RABGAP1L: variants seen among roughly 807,000 people sequenced by gnomAD.
The protein encoded by RABGAP1L is RAB GTPase activating protein 1 like.
In RABGAP1L, 63 loss-of-function variants were observed where a neutral mutation model predicts 137.7. The observed-to-expected ratio is 0.46, with a 90% CI of 0.37 to 0.56. The LOEUF (loss-of-function observed/expected upper bound fraction) is 0.56. Among genes scored for constraint, RABGAP1L ranks in the 20% least tolerant of loss-of-function variants. The probability of loss-of-function intolerance (pLI) is 0.00; values close to 1 mark genes in which losing one functional copy is unlikely to be tolerated. For synonymous variants in RABGAP1L, 431 were observed against 433.7 expected (o/e 0.99, Z 0.08); for missense variants, 1,095 against 1,244.0 (o/e 0.88, Z 1.80).
At chr1:174,369,892 T>G (rs1008668949) in intron 11 of RABGAP1L, among the ~76,000 whole-genome samples, 1 of 152,216 alleles carries the variant, frequency 6.6e-6, no homozygotes, top group Non-Finnish European at 1.5e-5. Context: ...AACATTTGTC[T>G]CTGTATGTGG....
In RABGAP1L at chr1:174,911,548, G is replaced by A. The variant is rs141956600; in HGVS notation, c.2341-45909G>A. On this transcript the variant is annotated intron_variant, in intron 19 of 25. Coordinates refer to ENST00000681986, the MANE Select transcript of RABGAP1L (RefSeq NM_001366446.1). ...AGGAGACTGGAGATAAATTTTGTGA[G>A]CCTATTATCTAGTTAGTAATGACAC... 4.9e-4 allele frequency among the ~76,000 whole-genome samples: 74 copies of A among 152,224 alleles called. No homozygotes were observed. The East Asian group carries it at 0.013, about 26-fold the overall frequency.
chr1:174,602,684 A>G (rs145988285), intron 13 of RABGAP1L, among the ~76,000 whole-genome samples: 236 of 152,244 alleles, frequency 1.6e-3, no homozygotes, highest in Non-Finnish European at 2.9e-3. Context: ...CATGTCTTCA[A>G]GCTCTCTAAT....
chr1:174,817,371 T>G (rs968693452), intron 19 of RABGAP1L, among the ~76,000 whole-genome samples: 1 of 152,098 alleles, frequency 6.6e-6, no homozygotes. Context: ...AAATGAAATC[T>G]GAAAGATTAT....
At chr1:174,799,350 C>G (rs928641744) in intron 18 of RABGAP1L, among the ~76,000 whole-genome samples, 2 of 152,210 alleles carry the variant, frequency 1.3e-5, no homozygotes, top group African/African-American at 4.8e-5. Flanking sequence ...TGTCCATACT[C>G]TATCATTTTA....
At chr1:174,365,294 G>A (rs532478066) in intron 11 of RABGAP1L, 2 of 152,294 alleles carry the variant, frequency 1.3e-5, no homozygotes, top group East Asian at 1.9e-4. Flanking sequence ...TTGCTGCCGT[G>A]TTTTAAAGAA....
At chr1:174,890,119 C>A (rs1485566435) in intron 19 of RABGAP1L, among the ~76,000 whole-genome samples, 1 of 152,166 alleles carries the variant, frequency 6.6e-6, no homozygotes, top group Non-Finnish European at 1.5e-5. Context: ...TTTAGTGGTT[C>A]ATTTAACATG....
Position 174,784,011 on chromosome 1 carries a change from C to CTTTTTTTTTT in RABGAP1L, c.2212-27803_2212-27794dup, listed in dbSNP as rs3085670. 1.9e-4 allele frequency among the ~76,000 whole-genome samples: 10 copies of CTTTTTTTTTT among 52,140 alleles called. 1 individual carries two copies. Among genetic ancestry groups the CTTTTTTTTTT allele is most frequent in the African/African-American group, 3.7e-4 (5 of 13,544 alleles). The allele number at this position is 52,140 out of a possible 152,430, so 34.2% of individuals were successfully genotyped here. A position where few individuals can be genotyped will look rare whatever the true frequency, so the allele number is the denominator to read the frequency against. On this transcript the variant is annotated intron_variant, in intron 18 of 25. Coordinates refer to ENST00000681986, the MANE Select transcript of RABGAP1L (RefSeq NM_001366446.1). ...GCCGTGAGTTTTTCTTCTTCTTCTT[C>CTTTTTTTTTT]TTTTTTTTTTTTTTTTTTTTTTTTT...
At chr1:174,427,205 AG>A (rs1652069293) in intron 13 of RABGAP1L, among the ~76,000 whole-genome samples, 1 of 148,448 alleles carries the variant, frequency 6.7e-6, no homozygotes, top group African/African-American at 2.5e-5. Context: ...TTATTTCTGA[AG>A]TCTGTAGTTT....
intron 13 of RABGAP1L, among the ~76,000 whole-genome samples, chr1:174,559,947 A>G (rs1303062983): frequency 6.6e-6 from 1 of 152,162 alleles, no homozygotes; most frequent in Non-Finnish European, 1.5e-5. Context: ...CAGCCTGGCC[A>G]ACATGGTGAA....
intron 7 of RABGAP1L, among the ~76,000 whole-genome samples, chr1:174,269,085 T>G (rs1227658138): frequency 1.3e-5 from 2 of 151,926 alleles, no homozygotes; most frequent in Admixed American, 1.3e-4. Flanking sequence ...TGGGACTACA[T>G]GCGCCCGCCA....
At chr1:174,278,204 A>C (rs370791926) in intron 9 of RABGAP1L, among the ~76,000 whole-genome samples, 143 of 152,240 alleles carry the variant, frequency 9.4e-4, no homozygotes, top group African/African-American at 3.1e-3. Context: ...GGAGTTTGAG[A>C]CCAGCCTGGC....
intron 13 of RABGAP1L, among the ~76,000 whole-genome samples, chr1:174,423,296 G>A (rs984164763): frequency 2.0e-5 from 3 of 151,934 alleles, no homozygotes; most frequent in Non-Finnish European, 2.9e-5. Flanking sequence ...TTTATTATTA[G>A]CTCACCAATA....
chr1:174,482,855 C>T (rs1477878538), intron 13 of RABGAP1L, among the ~76,000 whole-genome samples: 1 of 152,084 alleles, frequency 6.6e-6, no homozygotes, highest in Non-Finnish European at 1.5e-5. Flanking sequence ...AAAAAGATAC[C>T]TCTGTTGTTC....
chr1:174,925,837 T>C (rs1194030811), intron 19 of RABGAP1L, among the ~76,000 whole-genome samples: 1 of 148,458 alleles, frequency 6.7e-6, no homozygotes, highest in Non-Finnish European at 1.5e-5. Context: ...TTTGTTATTT[T>C]GGTTTTTTGG....
chr1:174,702,285 CA>C, intron 17 of RABGAP1L, 29 bp downstream of exon 17: 1 of 1,539,910 alleles, frequency 6.5e-7, no homozygotes, highest in Admixed American at 2.0e-5. Context: ...TTCACTAAGC[CA>C]AAATAGAAAG....
intron 13 of RABGAP1L, among the ~76,000 whole-genome samples, chr1:174,508,223 G>A (rs1171306406): frequency 6.6e-6 from 1 of 152,072 alleles, no homozygotes; most frequent in Non-Finnish European, 1.5e-5. Context: ...TGTAAAACAA[G>A]CCCTGAGACC....
chr1:174,492,692 AC>A (rs879388985), intron 13 of RABGAP1L, among the ~76,000 whole-genome samples: 3 of 151,632 alleles, frequency 2.0e-5, no homozygotes, highest in Non-Finnish European at 4.4e-5. Flanking sequence ...ATCTCCACCC[AC>A]CCTGCCTCAA....
At position 174,835,473 on chromosome 1, in the gene RABGAP1L, A is replaced by G. The variant is rs73028402; in HGVS notation, c.2340+23513A>G. On this transcript the variant is annotated intron_variant, in intron 19 of 25. Transcript: ENST00000681986. ...TTAAAGTAGAATTTCAATGCAATAA[A>G]TACACCATTCATTTAAATTCACATT... Among the ~76,000 whole-genome samples the G allele has an allele frequency of 5.3e-3, 810 of 152,320 alleles. 10 individuals carry two copies. The highest frequency in any genetic ancestry group is 0.018 in the African/African-American group (765 of 41,556).
At chr1:174,429,671 G>A (rs1466735120) in intron 13 of RABGAP1L, among the ~76,000 whole-genome samples, 2 of 151,988 alleles carry the variant, frequency 1.3e-5, no homozygotes, top group African/African-American at 4.8e-5. Context: ...CCCGGGAGGC[G>A]GAAGTTGCAG....
Sources: allele counts gnomAD v4.1 joint callset (sites outside exome capture counted in the v4.1 genomes callset), GRCh38; gene constraint gnomAD v4.1.1; transcripts MANE v1.5; gene names NCBI Gene and HGNC (gene_info 2026-07-23, HGNC 2026-07-21).